Variants in OPCML observed in about 807,000 individuals in gnomAD.
The protein encoded by OPCML is opioid-binding protein/cell adhesion molecule.
In OPCML, 13 loss-of-function variants were observed where a neutral mutation model predicts 37.8. That is an observed-to-expected ratio of 0.34 (90% confidence interval 0.22 to 0.55). The LOEUF (loss-of-function observed/expected upper bound fraction) is 0.55, where lower values mean the gene tolerates loss of function less well. OPCML is among the 20% of genes least tolerant of loss of function. OPCML has a pLI of 0.91. For missense variants in OPCML, 341 were observed against 435.6 expected (o/e 0.78, Z 1.93); for synonymous variants, 176 against 168.8 (o/e 1.04, Z -0.33).
At chr11:133,231,601 G>A (rs1432200017) in intron 1 of OPCML, among the ~76,000 whole-genome samples, 1 of 152,140 alleles carries the variant, frequency 6.6e-6, no homozygotes, top group Admixed American at 6.5e-5. Context: ...AAGCACAGCA[G>A]ATACCTCCCA....
At chr11:132,477,551 G>A (rs2096161153) in intron 4 of OPCML, among the ~76,000 whole-genome samples, 1 of 152,198 alleles carries the variant, frequency 6.6e-6, no homozygotes. Context: ...GAACAGTCAA[G>A]ATATGGCTAA....
chr11:132,941,173 A>T (rs1307418764), intron 2 of OPCML, among the ~76,000 whole-genome samples: 3 of 152,188 alleles, frequency 2.0e-5, no homozygotes, highest in Non-Finnish European at 2.9e-5. Context: ...TCAACATTAG[A>T]ATTGAAGATC....
At chr11:132,704,500 C>G (rs535235806) in intron 2 of OPCML, among the ~76,000 whole-genome samples, 37 of 151,890 alleles carry the variant, frequency 2.4e-4, no homozygotes, top group Non-Finnish European at 4.3e-4. Context: ...CCAAAAAATG[C>G]CTTTGAGGGG....
chr11:132,520,719 T>C (rs1455301802), intron 4 of OPCML, among the ~76,000 whole-genome samples: 1 of 150,642 alleles, frequency 6.6e-6, no homozygotes, highest in Non-Finnish European at 1.5e-5. Flanking sequence ...TATAGTATTA[T>C]ATATAAAGTT....
chr11:132,905,378 C>T (rs1053546763), intron 2 of OPCML, among the ~76,000 whole-genome samples: 1 of 151,750 alleles, frequency 6.6e-6, no homozygotes, highest in African/African-American at 2.4e-5. Context: ...ATTACAGGCA[C>T]CTGCCACCAC....
intron 1 of OPCML, among the ~76,000 whole-genome samples, chr11:133,467,981 C>T (rs1947014922): frequency 6.6e-6 from 1 of 152,162 alleles, no homozygotes; most frequent in African/African-American, 2.4e-5. Flanking sequence ...GGGACCTTGG[C>T]AATTTTGTCA....
chr11:133,096,870 A>C (rs1591997943), intron 1 of OPCML, among the ~76,000 whole-genome samples: 1 of 152,254 alleles, frequency 6.6e-6, no homozygotes. Context: ...TGTGCACTTA[A>C]CAACAGAGCA....
intron 1 of OPCML, among the ~76,000 whole-genome samples, chr11:133,508,817 G>A (rs1366659302): frequency 6.6e-6 from 1 of 152,076 alleles, no homozygotes; most frequent in Admixed American, 6.6e-5. Flanking sequence ...AAAACGACTC[G>A]AGTCAAGAAT....
chr11:133,144,820 C>G (rs908632119), intron 1 of OPCML, among the ~76,000 whole-genome samples: 1 of 152,166 alleles, frequency 6.6e-6, no homozygotes, highest in Non-Finnish European at 1.5e-5. Context: ...CCATCATGTT[C>G]TAGTAAAACA....
chr11:133,135,737 T>C (rs1200365198), intron 1 of OPCML, among the ~76,000 whole-genome samples: 2 of 152,346 alleles, frequency 1.3e-5, no homozygotes, highest in East Asian at 1.9e-4. Flanking sequence ...GGAGTGTCTA[T>C]GTGCAGGATC....
chr11:132,953,936 C>T (rs531378627), intron 1 of OPCML, among the ~76,000 whole-genome samples: 2 of 152,294 alleles, frequency 1.3e-5, no homozygotes, highest in African/African-American at 4.8e-5. Flanking sequence ...ACTGGCTGCT[C>T]CTTACGGGGC....
At chr11:133,525,090 G>A (rs1948464825) in intron 1 of OPCML, among the ~76,000 whole-genome samples, 1 of 152,220 alleles carries the variant, frequency 6.6e-6, no homozygotes, top group Admixed American at 6.5e-5. Context: ...AGGGAGGAAA[G>A]AGAGACATAA....
At chr11:133,279,549 A>G (rs547419927) in intron 1 of OPCML, among the ~76,000 whole-genome samples, 5 of 152,312 alleles carry the variant, frequency 3.3e-5, no homozygotes, top group African/African-American at 1.2e-4. Context: ...CCCCTCTGCC[A>G]GAGTTCCCTG....
chr11:133,400,287 C>G (rs182349690), intron 1 of OPCML, among the ~76,000 whole-genome samples: 1 of 152,206 alleles, frequency 6.6e-6, no homozygotes, highest in South Asian at 2.1e-4. Flanking sequence ...AGCAATAAAT[C>G]GTGTCCACTT....
intron 1 of OPCML, among the ~76,000 whole-genome samples, chr11:133,303,099 A>G (rs1327019937): frequency 1.3e-5 from 2 of 152,190 alleles, no homozygotes; most frequent in African/African-American, 4.8e-5. Flanking sequence ...AATATTTGCA[A>G]ATAAATAAGC....
At chr11:133,293,506 T>C (rs1942539447) in intron 1 of OPCML, among the ~76,000 whole-genome samples, 1 of 152,172 alleles carries the variant, frequency 6.6e-6, no homozygotes, top group African/African-American at 2.4e-5. Context: ...TGGCAGTAAA[T>C]GCTGGCTACT....
intron 1 of OPCML, among the ~76,000 whole-genome samples, chr11:133,034,173 G>A (rs1480960431): frequency 2.0e-5 from 3 of 152,100 alleles, no homozygotes; most frequent in South Asian, 4.2e-4. Flanking sequence ...CAGCTTTGAG[G>A]GCCTAGTATA....
At chr11:133,138,719 G>A (rs1282765751) in intron 1 of OPCML, among the ~76,000 whole-genome samples, 1 of 152,152 alleles carries the variant, frequency 6.6e-6, no homozygotes, top group Non-Finnish European at 1.5e-5. Context: ...GGTAGATGCT[G>A]TAGATTTTAC....
chr11:133,408,220 G>C lies in OPCML; in HGVS notation c.61+124044C>G, dbSNP rs150963967. ...TCTACTATTAAACTTTGAGATGCGT[G>C]TGAGCATATACATTTAAGAAAGATT... On this transcript the variant is annotated intron_variant, in intron 1 of 7. Coordinates refer to ENST00000524381, the MANE Select transcript of OPCML (RefSeq NM_001012393.5). 5.5e-3 allele frequency among the ~76,000 whole-genome samples: 834 copies of C among 152,284 alleles called. 11 individuals carry two copies. Among genetic ancestry groups the C allele is most frequent in the African/African-American group, 0.019 (800 of 41,570 alleles).
Sources: gnomAD v4.1 joint callset for allele counts (sites outside exome capture counted in the v4.1 genomes callset) on GRCh38, gnomAD v4.1.1 for gene constraint, MANE v1.5 for transcripts, NCBI Gene and HGNC (gene_info 2026-07-23, HGNC 2026-07-21) for gene names.